NYAP2: variants seen among roughly 807,000 people sequenced by gnomAD.
NYAP2 encodes the protein neuronal tyrosine-phosphorylated phosphoinositide-3-kinase adapter 2.
NYAP2 carries 23 observed loss-of-function variants against 50.4 expected under a neutral mutation model. The ratio of observed to expected loss-of-function variants is 0.46; its 90% CI spans 0.33 to 0.65. NYAP2 has a LOEUF of 0.65. Ranked by LOEUF, NYAP2 falls within the 30% of genes least tolerant of loss-of-function variation. The pLI is 0.02. For synonymous variants in NYAP2, 394 were observed against 365.2 expected (o/e 1.08, Z -0.90); for missense variants, 885 against 861.0 (o/e 1.03, Z -0.35).
intron 4 of NYAP2, among the ~76,000 whole-genome samples, chr2:225,577,806 A>AT (rs10595085): frequency 1.3e-4 from 19 of 148,012 alleles, no homozygotes; most frequent in South Asian, 1.1e-3. Flanking sequence ...TGAAAAGCAG[A>AT]TTTTTTTTTT....
intron 3 of NYAP2, among the ~76,000 whole-genome samples, chr2:225,446,895 C>T (rs1689573182): frequency 6.6e-6 from 1 of 152,066 alleles, no homozygotes; most frequent in Admixed American, 6.5e-5. Context: ...ACGGAGTCAG[C>T]TCCCCATGTT....
chr2:225,673,101 T>C, the NYAP2 span, among the ~76,000 whole-genome samples: 144,981 of 152,102 alleles, frequency 0.95, 69,202 homozygotes, highest in African/African-American at 0.99. Context: ...AGGAACAAGT[T>C]ATGTCTTATA....
rs1427444682 is a variant in NYAP2, at chr2:225,518,710, AC to A, written c.523+5039del. Among the ~76,000 whole-genome samples, 11 of 148,768 alleles carry A rather than the reference AC, an allele frequency of 7.4e-5. No homozygotes were observed. The Admixed American group carries it at 7.4e-4, about 10-fold the overall frequency. ...AACATATTATACATGGCAAATATAC[AC>A]AATTTTTGCCAATTAAAAATAAATA... On this transcript the variant is annotated intron_variant, in intron 4 of 6. Transcript: ENST00000636099.
rs190499635 is a variant in NYAP2 at position 225,518,830 on chromosome 2, C to A, written c.523+5158C>A. Among the ~76,000 whole-genome samples the A allele has an allele frequency of 5.1e-3, 778 of 151,424 alleles. 12 individuals are homozygous for A. The highest frequency in any genetic ancestry group is 0.018 in the African/African-American group (746 of 41,270). On this transcript the variant is annotated intron_variant, in intron 4 of 6. Coordinates refer to ENST00000636099, the Ensembl canonical transcript of NYAP2. The stretch of plus-strand genomic sequence containing the variant: ...GGTCAGGAGTTCGAGAGTAGCCTGG[C>A]CAACAAGGTGAAACCCCATCGGTCT...
chr2:225,401,530 T>A (rs2106114405), intron 2 of NYAP2, among the ~76,000 whole-genome samples: 1 of 152,178 alleles, frequency 6.6e-6, no homozygotes, highest in East Asian at 1.9e-4. Context: ...AAGCCGACAC[T>A]GCTTCTTCCT....
chr2:225,467,084 GGGGT>G (rs1689931637), intron 3 of NYAP2, among the ~76,000 whole-genome samples: 1 of 152,108 alleles, frequency 6.6e-6, no homozygotes, highest in Non-Finnish European at 1.5e-5. Flanking sequence ...TTCTTTCCTT[GGGGT>G]GGGCTGTCTG....
the NYAP2 span, among the ~76,000 whole-genome samples, chr2:225,690,254 C>T: frequency 5.3e-5 from 8 of 151,904 alleles, no homozygotes; most frequent in Non-Finnish European, 1.0e-4. Flanking sequence ...ATACATGGGT[C>T]AAATATGCTC....
the NYAP2 span, among the ~76,000 whole-genome samples, chr2:225,669,340 T>C: frequency 1.3e-5 from 2 of 152,186 alleles, no homozygotes; most frequent in African/African-American, 4.8e-5. Flanking sequence ...CGTAGGTTTC[T>C]GCACATCACG....
At chr2:225,602,611 G>A (rs951393199) in intron 5 of NYAP2, among the ~76,000 whole-genome samples, 2 of 151,980 alleles carry the variant, frequency 1.3e-5, no homozygotes, top group Non-Finnish European at 2.9e-5. Flanking sequence ...TTACATTTAG[G>A]TCTTTGACAC....
chr2:225,621,705 T>A lies in NYAP2; in HGVS notation c.1619-5212T>A, dbSNP rs913843380. ...ATTGTGGTATATTTTAATACAGTTTTTTTTTATTTTTTTTTTAATTATACT... is the reference window on the plus strand; with the variant it reads ...ATTGTGGTATATTTTAATACAGTTTATTTTTATTTTTTTTTTAATTATACT... On this transcript the variant is annotated intron_variant, in intron 5 of 6. Transcript: ENST00000636099. Among the ~76,000 whole-genome samples, 25 of 152,044 alleles carry A rather than the reference T, an allele frequency of 1.6e-4. No individual in the cohort carries two copies. In the East Asian group the frequency reaches 3.5e-3, roughly 21 times the overall value.
rs141153759 is a variant in NYAP2, at chr2:225,578,528, A to G, written c.524-3413A>G. On this transcript the variant is annotated intron_variant, in intron 4 of 6. Coordinates refer to ENST00000636099, the Ensembl canonical transcript of NYAP2. ...GATTTAAGTAGTAAGCGCCTTCCAC[A>G]AATTAGAAACTGGAGAGTCAGATCA... Among the ~76,000 whole-genome samples, 12 of 152,306 alleles carry G rather than the reference A, an allele frequency of 7.9e-5. 1 individual carries two copies. Among genetic ancestry groups the G allele is most frequent in the African/African-American group, 2.6e-4 (11 of 41,572 alleles).
At chr2:225,603,831 T>A (rs1183918121) in intron 5 of NYAP2, among the ~76,000 whole-genome samples, 1 of 152,188 alleles carries the variant, frequency 6.6e-6, no homozygotes, top group Non-Finnish European at 1.5e-5. Context: ...CTTCTCCTAT[T>A]CCTTCTCTTT....
chr2:225,590,876 G>A (rs537736378), intron 5 of NYAP2, among the ~76,000 whole-genome samples: 70 of 152,334 alleles, frequency 4.6e-4, no homozygotes, highest in South Asian at 1.9e-3. Flanking sequence ...TCTGTGAATC[G>A]CATCTATCCT....
At chr2:225,455,698 A>G (rs914245452) in intron 3 of NYAP2, among the ~76,000 whole-genome samples, 1 of 152,212 alleles carries the variant, frequency 6.6e-6, no homozygotes, top group Non-Finnish European at 1.5e-5. Flanking sequence ...TGGAATATTG[A>G]CATAAGTTTT....
chr2:225,697,769 T>G, the NYAP2 span, among the ~76,000 whole-genome samples: 1 of 152,010 alleles, frequency 6.6e-6, no homozygotes. Context: ...TGAAAAATAT[T>G]CATGCCCAAA....
intron 5 of NYAP2, among the ~76,000 whole-genome samples, chr2:225,599,088 C>G (rs768741980): frequency 3.3e-5 from 5 of 152,114 alleles, no homozygotes; most frequent in African/African-American, 4.8e-5. Flanking sequence ...TTCTCTTCCT[C>G]TCTCTCTCAT....
intron 6 of NYAP2, among the ~76,000 whole-genome samples, chr2:225,640,333 A>C (rs1033905413): frequency 6.6e-6 from 1 of 152,162 alleles, no homozygotes. Context: ...CATGTTACAC[A>C]TGTGTTTTTG....
At chr2:225,414,630 C>T (rs555625184) in intron 3 of NYAP2, among the ~76,000 whole-genome samples, 1 of 152,070 alleles carries the variant, frequency 6.6e-6, no homozygotes, top group South Asian at 2.1e-4. Flanking sequence ...AGAACAGAGT[C>T]CGGCCACAAA....
At chr2:225,560,299 T>A (rs1466382454) in intron 4 of NYAP2, among the ~76,000 whole-genome samples, 1 of 152,136 alleles carries the variant, frequency 6.6e-6, no homozygotes, top group East Asian at 1.9e-4. Flanking sequence ...AAGGGTCTTG[T>A]TAATTTAGAT....
Sources: gnomAD v4.1 joint callset for allele counts (sites outside exome capture counted in the v4.1 genomes callset) on GRCh38, gnomAD v4.1.1 for gene constraint, MANE v1.5 for transcripts, NCBI Gene and HGNC (gene_info 2026-07-23, HGNC 2026-07-21) for gene names.